ELOVL5: variants seen among roughly 807,000 people sequenced by gnomAD.
ELOVL5 encodes the protein very long chain fatty acid elongase 5.
ELOVL5 carries 8 observed loss-of-function variants against 38.6 expected under a neutral mutation model. The observed-to-expected ratio is 0.21, with a 90% CI of 0.12 to 0.37. The LOEUF (loss-of-function observed/expected upper bound fraction) is 0.37. Among genes scored for constraint, ELOVL5 ranks in the 10% least tolerant of loss-of-function variants. The pLI is 1.00. For missense variants in ELOVL5, 280 were observed against 367.8 expected (o/e 0.76, Z 1.95); for synonymous variants, 127 against 133.7 (o/e 0.95, Z 0.34).
intron 1 of ELOVL5, among the ~76,000 whole-genome samples, chr6:53,325,390 G>T (rs1467960208): frequency 6.6e-6 from 1 of 152,012 alleles, no homozygotes; most frequent in African/African-American, 2.4e-5. Context: ...AAAAGTGCCC[G>T]TATCTTACCT....
Position 53,269,219 on chromosome 6 carries a change from G to A in ELOVL5, c.808C>T (p.Gln270Ter). 1 of 1,613,472 alleles carries A rather than the reference G, an allele frequency of 6.2e-7. No individual in the cohort carries two copies. Among genetic ancestry groups the A allele is most frequent in the Non-Finnish European group, 8.5e-7 (1 of 1,179,624 alleles). ...SRRKDHLKDH[Q>*]NGSMAAVNGH... ...TTCACAGCAGCCATGGACCCATTCTGGTGGTCCTTCAGGTGGTCTTTCCTT... is the reference window on the plus strand; with the variant it reads ...TTCACAGCAGCCATGGACCCATTCTAGTGGTCCTTCAGGTGGTCTTTCCTT... The change falls in exon 8 of 8, where the codon CAG (glutamine) becomes TAG (stop). Residue 270 changes from glutamine to a stop codon, truncating the protein, a stop_gained. Transcript: ENST00000304434. LOFTEE classifies it high-confidence loss of function.
chr6:53,331,557 A>C lies in ELOVL5; in HGVS notation c.-9+17260T>G, dbSNP rs1768803316. Among the ~76,000 whole-genome samples the C allele has an allele frequency of 2.0e-5, 3 of 152,252 alleles. No individual in the cohort carries two copies. In the South Asian group the frequency reaches 6.2e-4, roughly 32 times the overall value. On this transcript the variant is annotated intron_variant, in intron 1 of 7. Coordinates refer to ENST00000304434, the MANE Select transcript of ELOVL5 (RefSeq NM_021814.5). Reference sequence around the variant, plus strand: ...ACCCCTACTTCACCAGGCAAGAGGAATTTTTCAGTTCCATTATAATCTTAT... The same window carrying C: ...ACCCCTACTTCACCAGGCAAGAGGACTTTTTCAGTTCCATTATAATCTTAT...
chr6:53,290,336 G>A (rs1272377161), intron 3 of ELOVL5: 1 of 152,180 alleles, frequency 6.6e-6, no homozygotes, highest in Non-Finnish European at 1.5e-5. Context: ...CTCTGTAAGA[G>A]TTCTCTTAAA....
intron 2 of ELOVL5, among the ~76,000 whole-genome samples, chr6:53,293,237 T>C (rs1255662627): frequency 6.6e-6 from 1 of 152,210 alleles, no homozygotes; most frequent in African/African-American, 2.4e-5. Flanking sequence ...ATGAGGCACA[T>C]GCAGCATTCA....
chr6:53,319,183 A>G (rs546935669), intron 1 of ELOVL5, among the ~76,000 whole-genome samples: 31 of 146,104 alleles, frequency 2.1e-4, no homozygotes, highest in African/African-American at 7.2e-4. Flanking sequence ...AGGCAGGAGA[A>G]TGGCGTGAAC....
chr6:53,348,548 G>A (rs549545034), intron 1 of ELOVL5, among the ~76,000 whole-genome samples: 13 of 152,260 alleles, frequency 8.5e-5, no homozygotes, highest in African/African-American at 2.4e-4. Flanking sequence ...GAACGCTCCC[G>A]AGCGCCCTGC....
At chr6:53,275,997 T>C (rs563457714) in intron 4 of ELOVL5, among the ~76,000 whole-genome samples, 182 bp downstream of exon 4, 1 of 152,378 alleles carries the variant, frequency 6.6e-6, no homozygotes, top group South Asian at 2.1e-4. Flanking sequence ...CTTTAGGTTT[T>C]ATTTTATACC....
At chr6:53,328,157 C>T (rs1007275667) in intron 1 of ELOVL5, among the ~76,000 whole-genome samples, 3 of 152,174 alleles carry the variant, frequency 2.0e-5, no homozygotes, top group African/African-American at 4.8e-5. Flanking sequence ...TGGCATTGCA[C>T]TGCCCAATGA....
chr6:53,298,419 G>GTTT (rs2127576973), intron 1 of ELOVL5, among the ~76,000 whole-genome samples: 1 of 152,246 alleles, frequency 6.6e-6, no homozygotes, highest in East Asian at 1.9e-4. Flanking sequence ...CAATAATCAG[G>GTTT]TATTAAGCAT....
At chr6:53,286,039 A>G (rs1477123864) in intron 3 of ELOVL5, among the ~76,000 whole-genome samples, 4 of 152,210 alleles carry the variant, frequency 2.6e-5, no homozygotes, top group Non-Finnish European at 5.9e-5. Flanking sequence ...ACTTTATTGC[A>G]ATACTCATTT....
chr6:53,306,405 A>C (rs1767580180), intron 1 of ELOVL5, among the ~76,000 whole-genome samples: 1 of 144,448 alleles, frequency 6.9e-6, no homozygotes, highest in Non-Finnish European at 1.5e-5. Context: ...GAGAGGGGCA[A>C]ACACACACAC....
At chr6:53,296,722 T>G (rs1767017324) in intron 1 of ELOVL5, among the ~76,000 whole-genome samples, 1 of 152,186 alleles carries the variant, frequency 6.6e-6, no homozygotes, top group African/African-American at 2.4e-5. Flanking sequence ...ATTTAAGATT[T>G]ACATTTAGAG....
chr6:53,284,846 C>T (rs1280041637), intron 3 of ELOVL5, among the ~76,000 whole-genome samples: 2 of 152,058 alleles, frequency 1.3e-5, no homozygotes, highest in African/African-American at 2.4e-5. Flanking sequence ...GGTTACTGAA[C>T]TTTGATGTTA....
chr6:53,319,570 C>G (rs1028930296), intron 1 of ELOVL5, among the ~76,000 whole-genome samples: 3 of 152,140 alleles, frequency 2.0e-5, no homozygotes, highest in Non-Finnish European at 4.4e-5. Flanking sequence ...TTTAGACATT[C>G]AGTTTTAAAA....
chr6:53,343,218 C>A (rs209518), intron 1 of ELOVL5, among the ~76,000 whole-genome samples: 59,732 of 149,976 alleles, frequency 0.4, 14,045 homozygotes, highest in East Asian at 0.59. Context: ...TTCCTTCTTT[C>A]TTTATTTATT....
intron 1 of ELOVL5, among the ~76,000 whole-genome samples, chr6:53,296,467 A>G (rs1332530200): frequency 1.3e-5 from 2 of 152,178 alleles, no homozygotes; most frequent in Non-Finnish European, 2.9e-5. Flanking sequence ...GCTCTCAGTG[A>G]GAATGAATAT....
chr6:53,294,292 G>C (rs2294857), intron 2 of ELOVL5: 4 of 1,565,944 alleles, frequency 2.6e-6, no homozygotes, highest in Middle Eastern at 1.7e-4. Context: ...TTCAGGCAGG[G>C]GCATGTGAAG....
chr6:53,289,544 C>A (rs1766695322), intron 3 of ELOVL5, among the ~76,000 whole-genome samples: 1 of 152,168 alleles, frequency 6.6e-6, no homozygotes. Context: ...CATGGTGAAA[C>A]CCTGTCTCTA....
At chr6:53,320,017 A>G (rs371071631) in intron 1 of ELOVL5, among the ~76,000 whole-genome samples, 2 of 152,178 alleles carry the variant, frequency 1.3e-5, no homozygotes, top group South Asian at 2.1e-4. Flanking sequence ...TAGATTGATT[A>G]TAACTCATAT....
Sources: gnomAD v4.1 joint callset for allele counts (sites outside exome capture counted in the v4.1 genomes callset) on GRCh38, gnomAD v4.1.1 for gene constraint, MANE v1.5 for transcripts, NCBI Gene and HGNC (gene_info 2026-07-23, HGNC 2026-07-21) for gene names.